The following SAMD7 variants were observed in gnomAD, a reference collection of about 807,000 sequenced individuals.
SAMD7 encodes the protein sterile alpha motif domain-containing protein 7.
SAMD7 carries 34 observed loss-of-function variants against 36.7 expected under a neutral mutation model. The ratio of observed to expected loss-of-function variants is 0.93; its 90% CI spans 0.71 to 1.23. The LOEUF is 1.23. Among genes scored for constraint, SAMD7 ranks in the 50% most tolerant of loss-of-function variants. SAMD7 has a pLI of 0.00. For missense variants in SAMD7, 570 were observed against 546.6 expected (o/e 1.04, Z -0.43); for synonymous variants, 188 against 189.7 (o/e 0.99, Z 0.07).
chr3:169,936,297 A>G, intron 7 of SAMD7, 42 bp from the exon 8 acceptor site: 1 of 1,284,768 alleles, frequency 7.8e-7, no homozygotes, highest in South Asian at 1.3e-5. Context: ...TTTTTCAAAA[A>G]AAGACATTCA....
At chr3:169,925,951 C>G (rs773779892) in intron 5 of SAMD7, among the ~76,000 whole-genome samples, 9 of 152,166 alleles carry the variant, frequency 5.9e-5, no homozygotes, top group Non-Finnish European at 1.0e-4. Context: ...GTCAGCCCAA[C>G]AGTGGCCTTC....
intron 1 of SAMD7, among the ~76,000 whole-genome samples, chr3:169,914,959 T>C (rs1045378015): frequency 1.6e-4 from 24 of 152,204 alleles, no homozygotes; most frequent in African/African-American, 5.3e-4. Context: ...TTACATCTTC[T>C]TGGCCTCCTT....
intron 1 of SAMD7, among the ~76,000 whole-genome samples, chr3:169,913,874 T>G (rs1712697693): frequency 6.6e-6 from 1 of 152,146 alleles, no homozygotes; most frequent in African/African-American, 2.4e-5. Context: ...GCAACACAAA[T>G]TTGGAGTTTC....
At chr3:169,920,816 A>G (rs1485247921) in intron 3 of SAMD7, among the ~76,000 whole-genome samples, 1 of 152,228 alleles carries the variant, frequency 6.6e-6, no homozygotes, top group Admixed American at 6.5e-5. Context: ...TAAGTTGTCC[A>G]CCCAGGTACT....
Position 169,912,863 on chromosome 3 carries a change from G to A in SAMD7, c.-117+1042G>A, listed in dbSNP as rs59299618. Among the ~76,000 whole-genome samples the A allele has an allele frequency of 8.7e-3, 1,324 of 152,236 alleles. 15 individuals are homozygous for A. The highest frequency in any genetic ancestry group is 0.02 in the South Asian group (96 of 4,828). On this transcript the variant is annotated intron_variant, in intron 1 of 8. Transcript: ENST00000335556. ...AACTGTCTTTCTAAAGTTCTCCTCC[G>A]TCCTTGGCAGAGATGGGAAGGGGAG...
In SAMD7 at chr3:169,926,572, G is replaced by A. The variant is rs1199060835; in HGVS notation, c.310G>A (p.Ala104Thr). 7 of 1,608,556 alleles carry A rather than the reference G, an allele frequency of 4.4e-6. No individual in the cohort carries two copies. Among genetic ancestry groups the A allele is most frequent in the African/African-American group, 2.7e-5 (2 of 74,622 alleles). The change falls in exon 6 of 9, where the codon GCT becomes ACT. Residue 104 changes from alanine (A) to threonine (T), a missense_variant. Coordinates refer to ENST00000335556, the MANE Select transcript of SAMD7 (RefSeq NM_001304366.2). ...TTTTAGGACAGAAATGGAAATGTAT[G>A]CTATTTACCAGCAAAGGAGAATGGA... is the stretch of plus-strand genomic sequence containing the variant. ...HTARTEMEMY[A>T]IYQQRRMEKI...
chr3:169,928,389 A>G (rs1327848492), intron 6 of SAMD7, 68 bp from the exon 7 acceptor site: 3 of 1,394,846 alleles, frequency 2.2e-6, no homozygotes, highest in Non-Finnish European at 3.0e-6. Context: ...GATAGAATAT[A>G]AGGAAATTAA....
chr3:169,917,625 G>GTTTGTTTATTTATTTATTTA (rs148776097), intron 2 of SAMD7, among the ~76,000 whole-genome samples: 2 of 146,120 alleles, frequency 1.4e-5, no homozygotes, highest in Admixed American at 6.8e-5. Context: ...TTATTTGTTT[G>GTTTGTTTATTTATTTATTTA]TTTATTTATT....
intron 7 of SAMD7, among the ~76,000 whole-genome samples, chr3:169,934,841 A>G (rs1713663914): frequency 6.6e-6 from 1 of 152,232 alleles, no homozygotes; most frequent in African/African-American, 2.4e-5. Flanking sequence ...ACCCTAACCT[A>G]TAAAAATGGA....
chr3:169,927,565 G>C (rs562249391), intron 6 of SAMD7, among the ~76,000 whole-genome samples: 1 of 152,000 alleles, frequency 6.6e-6, no homozygotes, highest in Non-Finnish European at 1.5e-5. Flanking sequence ...AAAGTGCTGG[G>C]ATTACAGGCG....
At chr3:169,917,562 T>A (rs992247383) in intron 2 of SAMD7, among the ~76,000 whole-genome samples, 1 of 152,056 alleles carries the variant, frequency 6.6e-6, no homozygotes, top group African/African-American at 2.4e-5. Flanking sequence ...CCTCAAGTAT[T>A]TATCATTTCT....
Position 169,911,665 on chromosome 3 carries a change from T to C in SAMD7, c.-273T>C, listed in dbSNP as rs1712606953. 1.3e-5 allele frequency: 2 copies of C among 152,242 alleles called. No homozygotes were observed. The allele number at this position is 152,242 out of a possible 1,614,324, so 9.4% of individuals were successfully genotyped here. ...TAATCAACTTAGTTGAATTTGTATT[T>C]AAAGCAAGGTTAAACTGAATTAAGA... On this transcript the variant is annotated 5_prime_UTR_variant, in exon 1 of 9. Coordinates refer to ENST00000335556, the MANE Select transcript of SAMD7 (RefSeq NM_001304366.2).
chr3:169,923,797 A>G (rs1037684352), intron 4 of SAMD7, among the ~76,000 whole-genome samples: 6 of 152,222 alleles, frequency 3.9e-5, no homozygotes, highest in Non-Finnish European at 7.3e-5. Flanking sequence ...CAGTCCTACA[A>G]AAACTGAGCT....
In SAMD7 at chr3:169,927,054, G is replaced by T; in HGVS notation, c.792G>T (p.Gly264=). The T allele has an allele frequency of 3.1e-6, 5 of 1,612,598 alleles. No homozygotes were observed. Among genetic ancestry groups the T allele is most frequent in the Non-Finnish European group, 4.2e-6 (5 of 1,179,590 alleles). The change falls in exon 6 of 9, where the codon GGG becomes GGT. Residue 264 remains glycine (G), a synonymous_variant. Coordinates refer to ENST00000335556, the MANE Select transcript of SAMD7 (RefSeq NM_001304366.2). ...AGCCCACCCATAGGAAACCCTGGGGGTCTCACACCACTACCCTGAAAGCAA... is the reference window on the plus strand; with the variant it reads ...AGCCCACCCATAGGAAACCCTGGGGTTCTCACACCACTACCCTGAAAGCAA... ...ELEPTHRKPW[G]SHTTTLKAKA... is the part of the protein sequence containing the mutation.
chr3:169,925,706 A>G (rs1713231010), intron 5 of SAMD7, among the ~76,000 whole-genome samples: 1 of 152,198 alleles, frequency 6.6e-6, no homozygotes, highest in African/African-American at 2.4e-5. Flanking sequence ...AGCCTGGGCA[A>G]CAGAGTGAGA....
At chr3:169,928,365 G>A (rs1390634387) in intron 6 of SAMD7, 92 bp from the exon 7 acceptor site, 3 of 1,091,518 alleles carry the variant, frequency 2.7e-6, no homozygotes, top group Admixed American at 4.4e-5. Context: ...TGCAAATCAA[G>A]ACCACTCTGG....
intron 3 of SAMD7, among the ~76,000 whole-genome samples, 191 bp from the exon 4 acceptor site, chr3:169,921,023 G>C (rs563507503): frequency 6.6e-6 from 1 of 152,252 alleles, no homozygotes; most frequent in East Asian, 1.9e-4. Context: ...TCCTTCGTTA[G>C]TGGAGTACTT....
At chr3:169,938,291 A>G (rs372246899) in intron 8 of SAMD7, 27 bp from the exon 9 acceptor site, 2 of 1,479,236 alleles carry the variant, frequency 1.4e-6, no homozygotes, top group African/African-American at 2.8e-5. Context: ...CATAGAATTG[A>G]TTACTATAAT....
intron 5 of SAMD7, chr3:169,926,090 GAAGT>G (rs1664118661): frequency 2.5e-6 from 1 of 393,118 alleles, no homozygotes; most frequent in African/African-American, 2.1e-5. Context: ...AAAGCAAAGT[GAAGT>G]AAGCAAAACT....
Sources: allele counts gnomAD v4.1 joint callset (sites outside exome capture counted in the v4.1 genomes callset), GRCh38; gene constraint gnomAD v4.1.1; transcripts MANE v1.5; gene names NCBI Gene and HGNC (gene_info 2026-07-23, HGNC 2026-07-21).